The following ROBO2 variants were observed in gnomAD, a reference collection of about 807,000 sequenced individuals.
The protein encoded by ROBO2 is roundabout guidance receptor 2.
ROBO2 carries 53 observed loss-of-function variants against 160.8 expected under a neutral mutation model. The ratio of observed to expected loss-of-function variants is 0.33; its 90% confidence interval spans 0.26 to 0.41. The LOEUF is 0.41. ROBO2 is among the 10% of genes least tolerant of loss of function. The pLI, the probability that ROBO2 is intolerant of heterozygous loss-of-function variation, is 1.00. For missense variants in ROBO2, 1,577 were observed against 1,722.4 expected, an observed-to-expected ratio of 0.92 and a Z score of 1.49; for synonymous variants, 664 against 611.7, an observed-to-expected ratio of 1.09 and a Z score of -1.26.
intron 2 of ROBO2, among the ~76,000 whole-genome samples, chr3:77,462,701 G>C (rs568031654): frequency 1.1e-4 from 17 of 152,074 alleles, no homozygotes; most frequent in Admixed American, 7.9e-4. Flanking sequence ...CATTTACAGG[G>C]TTTTAAAGAA....
intron 2 of ROBO2, among the ~76,000 whole-genome samples, chr3:76,115,947 C>G (rs1365707988): frequency 6.6e-6 from 1 of 152,078 alleles, no homozygotes; most frequent in Non-Finnish European, 1.5e-5. Context: ...TGGAAACTCA[C>G]AAAATTTAAT....
chr3:77,600,377 G>A (rs912473593), intron 19 of ROBO2, among the ~76,000 whole-genome samples: 1 of 152,152 alleles, frequency 6.6e-6, no homozygotes, highest in Non-Finnish European at 1.5e-5. Flanking sequence ...GAAGCACTTA[G>A]ACTTAAAGGC....
intron 2 of ROBO2, among the ~76,000 whole-genome samples, chr3:77,416,473 C>T (rs111983917): frequency 2.0e-5 from 3 of 152,142 alleles, no homozygotes; most frequent in Non-Finnish European, 2.9e-5. Flanking sequence ...AATCCCAGCA[C>T]TTTAGGAGAC....
intron 2 of ROBO2, among the ~76,000 whole-genome samples, chr3:76,935,666 A>T (rs1279600378): frequency 6.6e-6 from 1 of 152,170 alleles, no homozygotes; most frequent in Non-Finnish European, 1.5e-5. Flanking sequence ...TCTGCTGACT[A>T]CCACTTTCAG....
chr3:77,165,332 A>T (rs2150681634), intron 2 of ROBO2, among the ~76,000 whole-genome samples: 1 of 148,842 alleles, frequency 6.7e-6, no homozygotes, highest in South Asian at 2.2e-4. Flanking sequence ...GTGGTGCAAG[A>T]TGTGCTTTGT....
intron 2 of ROBO2, among the ~76,000 whole-genome samples, chr3:76,703,276 A>G (rs1378399925): frequency 6.6e-6 from 1 of 152,138 alleles, no homozygotes; most frequent in Non-Finnish European, 1.5e-5. Context: ...GCAACATTAC[A>G]GTTTCTTACA....
intron 2 of ROBO2, among the ~76,000 whole-genome samples, chr3:76,018,008 C>G (rs2066454559): frequency 6.6e-6 from 1 of 151,962 alleles, no homozygotes; most frequent in African/African-American, 2.4e-5. Context: ...GAGTATGCCC[C>G]TTCTCTAAAA....
At position 77,442,931 on chromosome 3, in the gene ROBO2, C is replaced by G. The variant is rs989251153; in HGVS notation, c.389-34483C>G. ...GCTCAGAAAGAGTGGACTCCAACCT[C>G]TGCATGAAGTCAGTTAGATTGCTTG... On this transcript the variant is annotated intron_variant, in intron 2 of 25. Coordinates refer to ENST00000461745, the Ensembl canonical transcript of ROBO2. Among the ~76,000 whole-genome samples, 14 of 152,234 alleles carry G rather than the reference C, an allele frequency of 9.2e-5. No individual in the cohort carries two copies. In the East Asian group the frequency reaches 2.5e-3, roughly 27 times the overall value.
At chr3:76,835,228 G>A (rs1050341270) in intron 2 of ROBO2, among the ~76,000 whole-genome samples, 1 of 151,194 alleles carries the variant, frequency 6.6e-6, no homozygotes, top group Non-Finnish European at 1.5e-5. Context: ...AAAAATCTAC[G>A]ACTTGAAAAG....
At chr3:75,980,978 AAAGT>A (rs1294576000) in intron 2 of ROBO2, among the ~76,000 whole-genome samples, 2 of 151,630 alleles carry the variant, frequency 1.3e-5, no homozygotes, top group African/African-American at 2.4e-5. Flanking sequence ...GTATTCAAAT[AAAGT>A]ATTATTTTGT....
intron 2 of ROBO2, among the ~76,000 whole-genome samples, chr3:76,284,409 A>G (rs904909814): frequency 6.6e-6 from 1 of 151,648 alleles, no homozygotes; most frequent in Non-Finnish European, 1.5e-5. Context: ...GACTCCTATA[A>G]AAAAAATCTG....
intron 2 of ROBO2, among the ~76,000 whole-genome samples, chr3:76,326,540 ATATAT>A (rs2073038609): frequency 6.6e-6 from 1 of 152,150 alleles, no homozygotes; most frequent in African/African-American, 2.4e-5. Flanking sequence ...TGCATAATGC[ATATAT>A]TATATTGCAT....
intron 2 of ROBO2, among the ~76,000 whole-genome samples, chr3:76,825,979 A>T (rs1180648660): frequency 6.6e-6 from 1 of 152,010 alleles, no homozygotes; most frequent in Non-Finnish European, 1.5e-5. Flanking sequence ...GAGCAGGAAA[A>T]ATCTGTTGAC....
chr3:77,304,151 A>G (rs2062893583), intron 2 of ROBO2, among the ~76,000 whole-genome samples: 1 of 152,220 alleles, frequency 6.6e-6, no homozygotes, highest in Admixed American at 6.5e-5. Context: ...TGATGAGAAG[A>G]TAAAGGGTCT....
At chr3:76,489,569 C>A (rs1185180690) in intron 2 of ROBO2, among the ~76,000 whole-genome samples, 4 of 152,152 alleles carry the variant, frequency 2.6e-5, no homozygotes, top group Non-Finnish European at 2.9e-5. Context: ...CACCAAACAT[C>A]ATCAGCAAAT....
chr3:77,062,899 T>C (rs1202038811), intron 1 of ROBO2, among the ~76,000 whole-genome samples: 1 of 152,196 alleles, frequency 6.6e-6, no homozygotes, highest in African/African-American at 2.4e-5. Flanking sequence ...AGTTTGTATA[T>C]GTATGAGTTT....
intron 2 of ROBO2, among the ~76,000 whole-genome samples, chr3:77,445,659 C>T (rs2080399800): frequency 6.6e-6 from 1 of 151,914 alleles, no homozygotes; most frequent in Non-Finnish European, 1.5e-5. Flanking sequence ...TAGATATAGC[C>T]TTAACTTGAT....
intron 2 of ROBO2, among the ~76,000 whole-genome samples, chr3:76,376,372 CCA>C (rs1238978287): frequency 6.6e-6 from 1 of 152,072 alleles, no homozygotes; most frequent in Admixed American, 6.6e-5. Context: ...ATATAGAGAA[CCA>C]CACAGTCAAA....
chr3:76,155,143 A>G (rs973833365), intron 2 of ROBO2, among the ~76,000 whole-genome samples: 2 of 152,188 alleles, frequency 1.3e-5, no homozygotes, highest in African/African-American at 4.8e-5. Context: ...TTAAAAATAA[A>G]TGTCAAAATT....
Sources: gnomAD v4.1 joint callset for allele counts (sites outside exome capture counted in the v4.1 genomes callset) on GRCh38, gnomAD v4.1.1 for gene constraint, MANE v1.5 for transcripts, NCBI Gene and HGNC (gene_info 2026-07-23, HGNC 2026-07-21) for gene names.